ASIC4: variants seen among roughly 807,000 people sequenced by gnomAD.
The protein encoded by ASIC4 is acid sensing ion channel subunit family member 4, also known as acid-sensing ion channel 4.
A neutral mutation model predicts 53.4 loss-of-function variants in ASIC4; 28 were observed. The observed-to-expected ratio is 0.52, with a 90% confidence interval of 0.39 to 0.72. ASIC4 has a LOEUF of 0.72. ASIC4 is among the 30% of genes least tolerant of loss of function. ASIC4 has a pLI of 0.00. For missense variants in ASIC4, 649 were observed against 729.7 expected (o/e 0.89, Z 1.27); for synonymous variants, 289 against 301.4 (o/e 0.96, Z 0.43).
the ASIC4 span, among the ~76,000 whole-genome samples, chr2:219,507,505 G>T: frequency 5.3e-5 from 8 of 152,224 alleles, no homozygotes; most frequent in African/African-American, 1.9e-4. Context: ...CTGGCAGGCT[G>T]GGTGGGCCTG....
upstream of ASIC4, among the ~76,000 whole-genome samples, chr2:219,510,073 TCTC>T (rs1196422821): frequency 6.6e-6 from 1 of 151,654 alleles, no homozygotes; most frequent in Non-Finnish European, 1.5e-5. This position sits in a 1 kb window ranked among gnomAD's most constrained non-coding sequence, Gnocchi z 5.2. Flanking sequence ...GAATTCCTTC[TCTC>T]CTCTCCCCGT....
intron 1 of ASIC4, among the ~76,000 whole-genome samples, chr2:219,528,046 C>T (rs1321752859): frequency 6.6e-6 from 1 of 152,260 alleles, no homozygotes; most frequent in Non-Finnish European, 1.5e-5. Context: ...CCCCACGTCG[C>T]CCATGCCTTC....
chr2:219,514,821 G>C lies in ASIC4; in HGVS notation c.97G>C (p.Val33Leu). 6.2e-7 allele frequency: 1 copy of C among 1,613,316 alleles called. No homozygotes were observed. The highest frequency in any genetic ancestry group is 8.5e-7 in the Non-Finnish European group (1 of 1,179,942). Residue 33 changes from valine to leucine, a missense_variant, in exon 1 of 10, where the codon GTT becomes CTT. By Grantham distance (32) the Val-to-Leu change is conservative. Coordinates refer to ENST00000358078, the MANE Select transcript of ASIC4 (RefSeq NM_018674.6). Reference protein sequence around the residue: ...AGDEQSLLGAVAPGAAPRDLA... With the variant: ...AGDEQSLLGALAPGAAPRDLA... ...GGATGAGCAGAGCCTCCTCGGGGCT[G>C]TTGCCCCTGGAGCAGCCCCCCGAGA...
intron 1 of ASIC4, among the ~76,000 whole-genome samples, chr2:219,525,155 G>A (rs1399048255): frequency 6.6e-6 from 1 of 152,182 alleles, no homozygotes. Flanking sequence ...TGAGCCTCCT[G>A]TGTATCCATT....
Position 219,532,907 on chromosome 2 carries a change from A to G in ASIC4, c.1043A>G (p.Asn348Ser). The G allele has an allele frequency of 6.2e-7, 1 of 1,613,934 alleles. No individual in the cohort carries two copies. Among genetic ancestry groups the G allele is most frequent in the African/African-American group, 1.3e-5 (1 of 75,014 alleles). ...GGCAATGAGACCATCTGCCCACCAA[A>G]TATCTACATCGAGTGTGCAGACCAC... ...MPGNETICPP[N>S]IYIECADHTL... Residue 348 changes from asparagine to serine, a missense_variant, in exon 5 of 10, where the codon AAT (asparagine) becomes AGT (serine). Asn to Ser is a conservative substitution (Grantham distance 46). Transcript: ENST00000358078.
At chr2:219,510,096 C>A (rs915725347), upstream of ASIC4, among the ~76,000 whole-genome samples, 2 of 151,996 alleles carry the variant, frequency 1.3e-5, no homozygotes, top group African/African-American at 4.8e-5. This position sits in a 1 kb window ranked among gnomAD's most constrained non-coding sequence, Gnocchi z 5.2. Flanking sequence ...TCGATGACCA[C>A]CTCTTGGCCC....
intron 5 of ASIC4, among the ~76,000 whole-genome samples, chr2:219,534,878 C>T (rs1048952655): frequency 9.9e-5 from 15 of 152,128 alleles, no homozygotes; most frequent in Non-Finnish European, 1.9e-4. Flanking sequence ...TTGATTAGCT[C>T]TGGTGGATGG....
intron 5 of ASIC4, among the ~76,000 whole-genome samples, chr2:219,534,249 TC>T (rs1695091510): frequency 6.6e-6 from 1 of 152,068 alleles, no homozygotes; most frequent in Admixed American, 6.5e-5. Flanking sequence ...CCCTTCTCTG[TC>T]CCCCACACCA....
Position 219,532,390 on chromosome 2 carries a change from T to A in ASIC4, c.931T>A (p.Ser311Thr), listed in dbSNP as rs1695057158. 1.9e-6 allele frequency: 3 copies of A among 1,614,126 alleles called. No individual in the cohort carries two copies. The highest frequency in any genetic ancestry group is 1.7e-6 in the Non-Finnish European group (2 of 1,179,996). The part of the protein sequence containing the change: ...ELREPELQGY[S>T]AYSVSACRLR... ...CAGGGAGCCTGAGCTTCAGGGCTAC[T>A]CGGCCTACAGTGTGTCTGCCTGCCG... Residue 311 changes from serine to threonine, a missense_variant, in exon 4 of 10, where the codon TCG becomes ACG. Coordinates refer to ENST00000358078, the MANE Select transcript of ASIC4 (RefSeq NM_018674.6).
chr2:219,509,846 TG>T (rs971938050), upstream of ASIC4, among the ~76,000 whole-genome samples: 17 of 152,242 alleles, frequency 1.1e-4, no homozygotes, highest in African/African-American at 3.9e-4. The surrounding 1 kb of genome is among the most constrained non-coding windows in gnomAD (Gnocchi z 5.2). Flanking sequence ...TGTGCTCCAC[TG>T]GCCACCTCAA....
At chr2:219,529,622 G>T (rs1429005231) in intron 1 of ASIC4, among the ~76,000 whole-genome samples, 1 of 152,054 alleles carries the variant, frequency 6.6e-6, no homozygotes, top group Non-Finnish European at 1.5e-5. Context: ...CTGGAGCCTC[G>T]CCCCTCGATG....
intron 5 of ASIC4, among the ~76,000 whole-genome samples, chr2:219,534,305 C>T (rs2105979630): frequency 6.6e-6 from 1 of 152,360 alleles, no homozygotes; most frequent in African/African-American, 2.4e-5. Flanking sequence ...AGTGAAGGAA[C>T]AGATATGTGA....
Position 219,535,251 on chromosome 2 carries a change from A to G in ASIC4, c.1156A>G (p.Met386Val), listed in dbSNP as rs1370832442. ...NLTRYGKEIS[M>V]VRIPNRGSAR... The stretch of plus-strand genomic sequence containing the variant: ...GACACGCTATGGGAAAGAGATCTCC[A>G]TGGTCAGGATCCCCAACAGGGGCTC... The change falls in exon 6 of 10, where the codon ATG (methionine) becomes GTG (valine). Residue 386 changes from methionine to valine, a missense_variant. By Grantham distance (21) the Met-to-Val change is conservative. Transcript: ENST00000358078. 1.9e-6 allele frequency: 3 copies of G among 1,613,704 alleles called. No individual in the cohort carries two copies. The highest frequency in any genetic ancestry group is 1.1e-5 in the South Asian group (1 of 91,074).
intron 1 of ASIC4, among the ~76,000 whole-genome samples, chr2:219,530,222 C>T (rs1469022727): frequency 6.6e-6 from 1 of 152,308 alleles, no homozygotes; most frequent in East Asian, 1.9e-4. Context: ...GTTAGGGAAG[C>T]CTGGCAGGGG....
intron 1 of ASIC4, among the ~76,000 whole-genome samples, chr2:219,520,218 G>A (rs1335249718): frequency 2.0e-5 from 3 of 151,340 alleles, no homozygotes; most frequent in East Asian, 1.9e-4. Context: ...TTAATCACTC[G>A]CCCTGTTCTC....
At position 219,537,964 on chromosome 2, in the gene ASIC4, G is replaced by C. The variant is rs769427399; in HGVS notation, c.1538G>C (p.Gly513Ala). The change falls in exon 10 of 10, where the codon GGT becomes GCT. Residue 513 changes from glycine to alanine, a missense_variant. Coordinates refer to ENST00000358078, the MANE Select transcript of ASIC4 (RefSeq NM_018674.6). This position sits in a 1 kb window ranked among gnomAD's most constrained non-coding sequence, Gnocchi z 4.9. ...TGCCCGAGCCGGGGCCGAGTGGAGG[G>C]TGGGGGGGTCAGCAGTCTGCTCCCC... ...SPCPSRGRVE[G>A]GGVSSLLPNH... is the part of the protein sequence containing the mutation. 3 of 1,612,406 alleles carry C rather than the reference G, an allele frequency of 1.9e-6. No homozygotes were observed. Among genetic ancestry groups the C allele is most frequent in the East Asian group, 4.5e-5 (2 of 44,856 alleles).
rs761536346 is a variant in ASIC4 at position 219,537,199 on chromosome 2, TCGGCCCG to T, written c.1322-42_1322-36del. ...TGCCCCCAGCTTGTGTGGGGGTGGA[TCGGCCCG>T]GCCGCTCCCTCTGACACTGCTCTCC... On this transcript the variant is annotated intron_variant, in intron 7 of 9. Transcript: ENST00000358078. The surrounding 1 kb of genome is among the most constrained non-coding windows in gnomAD (Gnocchi z 4.9). The T allele has an allele frequency of 6.2e-7, 1 of 1,611,698 alleles. No homozygotes were observed. Among genetic ancestry groups the T allele is most frequent in the Admixed American group, 1.7e-5 (1 of 59,956 alleles).
Position 219,537,197 on chromosome 2 carries a change from G to T in ASIC4, c.1321+40G>T. ...CCTGCCCCCAGCTTGTGTGGGGGTG[G>T]ATCGGCCCGGCCGCTCCCTCTGACA... On this transcript the variant is annotated intron_variant, in intron 7 of 9. Transcript: ENST00000358078. This position sits in a 1 kb window ranked among gnomAD's most constrained non-coding sequence, Gnocchi z 4.9. 6.2e-7 allele frequency: 1 copy of T among 1,612,198 alleles called. No homozygotes were observed. The highest frequency in any genetic ancestry group is 8.5e-7 in the Non-Finnish European group (1 of 1,178,524).
chr2:219,508,779 G>T, the ASIC4 span, among the ~76,000 whole-genome samples: 9 of 112,520 alleles, frequency 8.0e-5, no homozygotes, highest in Non-Finnish European at 1.3e-4. Context: ...TGGGAAGGGA[G>T]AAACAAGAGG....
Sources: gnomAD v4.1 joint callset for allele counts (sites outside exome capture counted in the v4.1 genomes callset) on GRCh38, gnomAD v4.1.1 for gene constraint, Gnocchi (gnomAD v3.1) non-coding constraint, MANE v1.5 for transcripts, NCBI Gene and HGNC (gene_info 2026-07-23, HGNC 2026-07-21) for gene names.